Variants in DIAPH3 observed in about 807,000 individuals in gnomAD.
DIAPH3 encodes protein diaphanous homolog 3.
Under a neutral mutation model 144.3 loss-of-function variants are expected in DIAPH3, and 117 were observed. The observed-to-expected ratio is 0.81, with a 90% CI of 0.70 to 0.95. The LOEUF (loss-of-function observed/expected upper bound fraction) is 0.95. Ranked by LOEUF, DIAPH3 falls within the 40% of genes least tolerant of loss-of-function variation. DIAPH3 has a pLI of 0.00. For missense variants in DIAPH3, 1,421 were observed against 1,412.7 expected (o/e 1.01, Z -0.09); for synonymous variants, 519 against 488.9 (o/e 1.06, Z -0.81).
rs1272919681 is a variant in DIAPH3, at chr13:59,924,806, C to G, written c.2139G>C (p.Lys713Asn). The G allele has an allele frequency of 6.2e-7, 1 of 1,601,772 alleles. No homozygotes were observed. Among genetic ancestry groups the G allele is most frequent in the East Asian group, 2.3e-5 (1 of 44,362 alleles). Residue 713 changes from lysine to asparagine, a missense_variant, in exon 18 of 28, where the codon AAG (lysine) becomes AAC (asparagine). Lys to Asn is a moderately conservative substitution (Grantham distance 94, BLOSUM62 0). Coordinates refer to ENST00000400324, the MANE Select transcript of DIAPH3 (RefSeq NM_001042517.2). ...KSIKKKIKEL[K>N]FLDSKIAQNL... ...TCTGGGCAATTTTAGAATCTAAAAA[C>G]TTAAGTTCTTTAATTTTTTTCTTAA...
chr13:59,784,523 G>A (rs913105359), intron 25 of DIAPH3, among the ~76,000 whole-genome samples: 1 of 152,052 alleles, frequency 6.6e-6, no homozygotes, highest in Non-Finnish European at 1.5e-5. Context: ...TTATAGGCAT[G>A]TGCCACAATG....
intron 5 of DIAPH3, among the ~76,000 whole-genome samples, chr13:60,031,076 T>C (rs2054753157): frequency 6.6e-6 from 1 of 152,178 alleles, no homozygotes; most frequent in African/African-American, 2.4e-5. Flanking sequence ...AAGAGGTTAA[T>C]TGGCTCGCAG....
intron 24 of DIAPH3, among the ~76,000 whole-genome samples, chr13:59,821,095 A>T (rs923488906): frequency 6.6e-6 from 1 of 152,008 alleles, no homozygotes; most frequent in Admixed American, 6.6e-5. Context: ...CAAGTCAGGG[A>T]TCTCTTTAAC....
intron 22 of DIAPH3, chr13:59,861,197 A>G: frequency 7.0e-7 from 1 of 1,437,646 alleles, no homozygotes; most frequent in Non-Finnish European, 9.1e-7. Flanking sequence ...TTTATAATAT[A>G]AGGCCTCATC....
At chr13:59,784,663 C>T (rs997802820) in intron 25 of DIAPH3, among the ~76,000 whole-genome samples, 1 of 152,152 alleles carries the variant, frequency 6.6e-6, no homozygotes, top group Admixed American at 6.5e-5. Context: ...AGGTGTGAGC[C>T]ACCACGCCCA....
intron 27 of DIAPH3, among the ~76,000 whole-genome samples, chr13:59,679,793 TGA>T (rs2032846802): frequency 6.6e-6 from 1 of 151,738 alleles, no homozygotes; most frequent in African/African-American, 2.4e-5. Context: ...ATTAAGTTAC[TGA>T]GAGAAATAAG....
intron 12 of DIAPH3, among the ~76,000 whole-genome samples, chr13:59,984,360 C>A (rs1432076515): frequency 4.6e-5 from 7 of 151,602 alleles, no homozygotes. Context: ...AAAACTGGTA[C>A]TGTAAGTTAT....
At chr13:60,150,897 T>C (rs1951748524) in intron 1 of DIAPH3, among the ~76,000 whole-genome samples, 1 of 151,910 alleles carries the variant, frequency 6.6e-6, no homozygotes, top group Non-Finnish European at 1.5e-5. Flanking sequence ...TTTTGTGGAG[T>C]GTGGGTTTAG....
At chr13:59,977,718 G>A (rs978721526) in intron 14 of DIAPH3, among the ~76,000 whole-genome samples, 3 of 151,668 alleles carry the variant, frequency 2.0e-5, no homozygotes, top group Non-Finnish European at 1.5e-5. Flanking sequence ...GTATCTGACC[G>A]AATGAAGGAA....
At chr13:60,120,901 T>G (rs2058829049) in intron 2 of DIAPH3, among the ~76,000 whole-genome samples, 1 of 152,228 alleles carries the variant, frequency 6.6e-6, no homozygotes, top group African/African-American at 2.4e-5. Context: ...ATCAAGTGTT[T>G]ATTATTGTTT....
chr13:59,755,840 T>C (rs1306962172), intron 27 of DIAPH3, among the ~76,000 whole-genome samples: 1 of 152,022 alleles, frequency 6.6e-6, no homozygotes, highest in East Asian at 1.9e-4. Context: ...ATATAGAGGA[T>C]AATATACAGG....
intron 3 of DIAPH3, among the ~76,000 whole-genome samples, chr13:60,106,079 C>T (rs1196084877): frequency 6.6e-6 from 1 of 152,140 alleles, no homozygotes; most frequent in Non-Finnish European, 1.5e-5. Context: ...ACCCTCCCCA[C>T]CTCTATACCA....
chr13:60,110,863 T>C (rs1391273926), intron 3 of DIAPH3, among the ~76,000 whole-genome samples: 1 of 152,218 alleles, frequency 6.6e-6, no homozygotes, highest in East Asian at 1.9e-4. Context: ...AATATTAAAA[T>C]ATATAGTATT....
At chr13:59,815,740 G>A (rs189217706) in intron 24 of DIAPH3, among the ~76,000 whole-genome samples, 91 of 152,170 alleles carry the variant, frequency 6.0e-4, no homozygotes, top group African/African-American at 2.1e-3. Flanking sequence ...ACAGGGATGA[G>A]CCACCACACC....
At chr13:59,749,743 G>A (rs2036904101) in intron 27 of DIAPH3, among the ~76,000 whole-genome samples, 1 of 151,714 alleles carries the variant, frequency 6.6e-6, no homozygotes, top group Non-Finnish European at 1.5e-5. Context: ...AAAACAACAG[G>A]TCTTAGAAAA....
chr13:59,961,037 G>A (rs2049726348), intron 17 of DIAPH3, among the ~76,000 whole-genome samples: 1 of 152,120 alleles, frequency 6.6e-6, no homozygotes, highest in South Asian at 2.1e-4. Flanking sequence ...GTATGAACTA[G>A]TGTTACAGTA....
Position 59,974,288 on chromosome 13 carries a change from T to A in DIAPH3, c.1650+64A>T, listed in dbSNP as rs1309301471. On this transcript the variant is annotated intron_variant, in intron 15 of 27. Coordinates refer to ENST00000400324, the MANE Select transcript of DIAPH3 (RefSeq NM_001042517.2). Reference sequence around the variant, plus strand: ...TAAACATTTTGATGCTATGAAGATATAACATAACCTTTGCTCCCTCACTGT... The same window carrying A: ...TAAACATTTTGATGCTATGAAGATAAAACATAACCTTTGCTCCCTCACTGT... 4 of 1,165,312 alleles carry A rather than the reference T, an allele frequency of 3.4e-6. No homozygotes were observed. The African/African-American group carries it at 6.1e-5, about 18-fold the overall frequency. The allele number at this position is 1,165,312 out of a possible 1,614,324, so 72.2% of individuals were successfully genotyped here. A position where few individuals can be genotyped will look rare whatever the true frequency, so the allele number is the denominator to read the frequency against.
intron 27 of DIAPH3, among the ~76,000 whole-genome samples, chr13:59,684,231 GGAGCTTTCTGCCT>G (rs1415411940): frequency 1.3e-5 from 2 of 152,174 alleles, no homozygotes; most frequent in African/African-American, 4.8e-5. Context: ...CCACAGATTT[GGAGCTTTCTGCCT>G]GAGCTTTCTG....
At chr13:60,134,537 G>A (rs1473859339) in intron 1 of DIAPH3, among the ~76,000 whole-genome samples, 2 of 152,146 alleles carry the variant, frequency 1.3e-5, no homozygotes, top group African/African-American at 2.4e-5. Flanking sequence ...TGTGTGAGGC[G>A]CCCTTCCTCT....
Sources: gnomAD v4.1 joint callset for allele counts (sites outside exome capture counted in the v4.1 genomes callset) on GRCh38, gnomAD v4.1.1 for gene constraint, MANE v1.5 for transcripts, NCBI Gene and HGNC (gene_info 2026-07-23, HGNC 2026-07-21) for gene names.